ABCA5: variants seen among roughly 807,000 people sequenced by gnomAD.
ABCA5 encodes ATP binding cassette subfamily A member 5.
In ABCA5, 163 loss-of-function variants were observed where a neutral mutation model predicts 206.0. The observed-to-expected ratio is 0.79, with a 90% CI of 0.70 to 0.90. The LOEUF is 0.90. Among genes scored for constraint, ABCA5 ranks in the 40% least tolerant of loss-of-function variants. The pLI is 0.00. For synonymous variants in ABCA5, 609 were observed against 613.8 expected (o/e 0.99, Z 0.11); for missense variants, 1,859 against 1,912.9 (o/e 0.97, Z 0.53).
intron 19 of ABCA5, among the ~76,000 whole-genome samples, chr17:69,275,092 CT>C (rs1404341039): frequency 1.3e-5 from 2 of 152,170 alleles, no homozygotes; most frequent in Admixed American, 6.5e-5. Flanking sequence ...GATCCAGCTG[CT>C]GCAGCCTTCC....
chr17:69,272,092 A>T (rs1369574784), intron 20 of ABCA5, among the ~76,000 whole-genome samples: 1 of 152,204 alleles, frequency 6.6e-6, no homozygotes, highest in East Asian at 1.9e-4. Flanking sequence ...CTAGTAACTG[A>T]ATAGTATGGC....
At chr17:69,255,678 A>G (rs1310294561) in intron 30 of ABCA5, 44 bp from the exon 31 acceptor site, 2 of 1,574,308 alleles carry the variant, frequency 1.3e-6, no homozygotes, top group East Asian at 4.5e-5. Flanking sequence ...AAATCATACT[A>G]AAAGTAGAAA....
chr17:69,312,250 T>C (rs2075777543), intron 3 of ABCA5, among the ~76,000 whole-genome samples: 1 of 152,194 alleles, frequency 6.6e-6, no homozygotes, highest in Non-Finnish European at 1.5e-5. Flanking sequence ...ACTTCACTGC[T>C]TACACTGTTT....
At position 69,264,724 on chromosome 17, in the gene ABCA5, C is replaced by A; in HGVS notation, c.3315+11G>T. On this transcript the variant is annotated intron_variant, in intron 24 of 38. Transcript: ENST00000392676. ...CTATAAATAGCATGAGTACAACTAACGTTAACTTACCACAGCAAGGAACTT... is the reference window on the plus strand; with the variant it reads ...CTATAAATAGCATGAGTACAACTAAAGTTAACTTACCACAGCAAGGAACTT... 2.0e-6 allele frequency: 3 copies of A among 1,504,648 alleles called. No homozygotes were observed. Among genetic ancestry groups the A allele is most frequent in the South Asian group, 1.4e-5 (1 of 69,468 alleles). The allele number at this position is 1,504,648 out of a possible 1,614,324, so 93.2% of individuals were successfully genotyped here.
intron 22 of ABCA5, among the ~76,000 whole-genome samples, 199 bp downstream of exon 22, chr17:69,270,414 G>C (rs574814147): frequency 2.6e-5 from 4 of 151,940 alleles, no homozygotes; most frequent in African/African-American, 4.8e-5. Flanking sequence ...TACCAAAACA[G>C]AATCTCCTTT....
chr17:69,282,165 T>C (rs775812546), intron 18 of ABCA5, among the ~76,000 whole-genome samples: 12 of 152,224 alleles, frequency 7.9e-5, no homozygotes, highest in Non-Finnish European at 1.8e-4. Flanking sequence ...TGTCCTCATC[T>C]TATTCTTCAC....
In ABCA5 at chr17:69,270,738, CA is replaced by C; in HGVS notation, c.2904del (p.Phe968LeufsTer16). Reference sequence around the variant, plus strand: ...ACCATAGTACTGTTGAAAACAGCTGCAAAAACATAGTCCTACAATTAAAAAA... The same window carrying C: ...ACCATAGTACTGTTGAAAACAGCTGCAAAACATAGTCCTACAATTAAAAAA... ...NVMHSEKDYVFAAVFNSTMVY... is the reference protein window; with the variant it reads ...NVMHSEKDYVXAAVFNSTMVY... On this transcript the variant is annotated frameshift_variant, in exon 22 of 39. Coordinates refer to ENST00000392676, the MANE Select transcript of ABCA5 (RefSeq NM_172232.4). LOFTEE classifies it high-confidence loss of function. 6.5e-7 allele frequency: 1 copy of C among 1,543,076 alleles called. No homozygotes were observed.
intron 11 of ABCA5, 94 bp from the exon 12 acceptor site, chr17:69,291,420 A>G (rs1204388949): frequency 6.0e-6 from 4 of 669,246 alleles, no homozygotes; most frequent in African/African-American, 1.8e-5. Context: ...TCAAGGCACT[A>G]TATCTATAAA....
At chr17:69,274,921 G>A (rs1268963780) in intron 19 of ABCA5, among the ~76,000 whole-genome samples, 2 of 134,134 alleles carry the variant, frequency 1.5e-5, no homozygotes, top group Non-Finnish European at 3.1e-5. Context: ...TCGGCTCACT[G>A]CAACCTCTGC....
rs748295093 is a variant in ABCA5, at chr17:69,271,272, G to C, written c.2782C>G (p.Leu928Val). Reference sequence around the variant, plus strand: ...TTCTGGCTTGTGAAAAAGCTAATAAGATCACTGATATCTGAGTCTGGTGTT... The same window carrying C: ...TTCTGGCTTGTGAAAAAGCTAATAACATCACTGATATCTGAGTCTGGTGTT... Reference protein sequence around the residue: ...QNSADSDISDLISFFTSQNIM... With the variant: ...QNSADSDISDVISFFTSQNIM... The change falls in exon 21 of 39, where the codon CTT becomes GTT. Residue 928 changes from leucine to valine, a missense_variant. Coordinates refer to ENST00000392676, the MANE Select transcript of ABCA5 (RefSeq NM_172232.4). The C allele has an allele frequency of 1.9e-5, 30 of 1,611,484 alleles. No homozygotes were observed. The highest frequency in any genetic ancestry group is 2.5e-5 in the Non-Finnish European group (30 of 1,179,030).
chr17:69,298,253 A>T (rs1455670237), intron 9 of ABCA5, among the ~76,000 whole-genome samples: 2 of 127,584 alleles, frequency 1.6e-5, no homozygotes, highest in African/African-American at 5.9e-5. Context: ...GGAAGGAAGG[A>T]AGGAAGGAAG....
intron 26 of ABCA5, 30 bp from the exon 27 acceptor site, chr17:69,260,442 G>A (rs749536207): frequency 9.1e-6 from 12 of 1,325,364 alleles, no homozygotes; most frequent in Admixed American, 1.9e-5. Context: ...AAATATATAC[G>A]CTGCAATATG....
intron 7 of ABCA5, among the ~76,000 whole-genome samples, chr17:69,303,801 T>C (rs372058199): frequency 0.068 from 464 of 6,798 alleles, 152 homozygotes; most frequent in South Asian, 0.45. Context: ...TATATATATA[T>C]ATATATACAT....
At chr17:69,296,581 T>C (rs2075585536) in intron 10 of ABCA5, among the ~76,000 whole-genome samples, 1 of 152,254 alleles carries the variant, frequency 6.6e-6, no homozygotes, top group Non-Finnish European at 1.5e-5. Flanking sequence ...TTAATATTTA[T>C]CATGTTTCAG....
intron 28 of ABCA5, among the ~76,000 whole-genome samples, chr17:69,256,528 T>G (rs907839741): frequency 4.0e-5 from 6 of 150,834 alleles, no homozygotes; most frequent in Middle Eastern, 6.4e-3. Context: ...CGATCTCAGG[T>G]CACTATAACC....
intron 4 of ABCA5, among the ~76,000 whole-genome samples, chr17:69,308,614 G>C (rs1198998557): frequency 6.6e-6 from 1 of 152,082 alleles, no homozygotes; most frequent in African/African-American, 2.4e-5. Context: ...AAAATGTAAA[G>C]AAAGAAATTA....
intron 38 of ABCA5, 44 bp from the exon 39 acceptor site, chr17:69,247,688 G>C (rs371406764): frequency 7.0e-6 from 8 of 1,145,998 alleles, no homozygotes. Context: ...TGTATCTCAA[G>C]TACCTCAAAG....
Position 69,301,255 on chromosome 17 carries a change from G to C in ABCA5, c.1151C>G (p.Ala384Gly), listed in dbSNP as rs553651672. 1.1e-5 allele frequency: 18 copies of C among 1,594,852 alleles called. No homozygotes were observed. Among genetic ancestry groups the C allele is most frequent in the Middle Eastern group, 1.7e-4 (1 of 5,846 alleles). Residue 384 changes from alanine to glycine, a missense_variant, in exon 9 of 39, where the codon GCT (alanine) becomes GGT (glycine). Physicochemically the swap from Ala to Gly is moderately conservative, Grantham distance 60. Coordinates refer to ENST00000392676, the MANE Select transcript of ABCA5 (RefSeq NM_172232.4). ...VMHLEDFNEG[A>G]SFSNLTAGPY... is the part of the protein sequence containing the mutation. Reference sequence around the variant, plus strand: ...GCCTGCAGTCAAATTTGAAAATGAAGCACCTTCATTAAAATCTTCTAAATG... The same window carrying C: ...GCCTGCAGTCAAATTTGAAAATGAACCACCTTCATTAAAATCTTCTAAATG...
At chr17:69,287,506 C>A in intron 15 of ABCA5, 107 bp downstream of exon 15, 2 of 1,375,558 alleles carry the variant, frequency 1.5e-6, no homozygotes, top group South Asian at 1.8e-5. Flanking sequence ...AGGAAACATA[C>A]CACTAGGTAA....
Sources: gnomAD v4.1 joint callset for allele counts (sites outside exome capture counted in the v4.1 genomes callset) on GRCh38, gnomAD v4.1.1 for gene constraint, MANE v1.5 for transcripts, NCBI Gene and HGNC (gene_info 2026-07-23, HGNC 2026-07-21) for gene names.